The following TMTC1 variants were observed in gnomAD, a reference collection of about 807,000 sequenced individuals.
TMTC1 encodes protein O-mannosyl-transferase TMTC1.
TMTC1 carries 73 observed loss-of-function variants against 104.8 expected under a neutral mutation model. The observed-to-expected ratio is 0.70, with a 90% CI of 0.58 to 0.85. The LOEUF (loss-of-function observed/expected upper bound fraction) is 0.85, where lower values mean the gene tolerates loss of function less well. Among genes scored for constraint, TMTC1 ranks in the 40% least tolerant of loss-of-function variants. The pLI is 0.00. For synonymous variants in TMTC1, 434 were observed against 428.7 expected (o/e 1.01, Z -0.15); for missense variants, 1,035 against 1,096.1 (o/e 0.94, Z 0.79).
chr12:29,644,849 T>C (rs1939196217), intron 5 of TMTC1, among the ~76,000 whole-genome samples: 1 of 152,152 alleles, frequency 6.6e-6, no homozygotes, highest in Non-Finnish European at 1.5e-5. Context: ...CCTCATCTTC[T>C]GGAATCAACT....
At chr12:29,567,501 CAAG>C (rs1436546274) in intron 9 of TMTC1, among the ~76,000 whole-genome samples, 2 of 152,068 alleles carry the variant, frequency 1.3e-5, no homozygotes, top group Admixed American at 6.6e-5. Context: ...ATTTCATCAA[CAAG>C]AAGCAACAAA....
intron 15 of TMTC1, 37 bp downstream of exon 15, chr12:29,516,312 A>G: frequency 6.3e-7 from 1 of 1,590,702 alleles, no homozygotes; most frequent in Non-Finnish European, 8.6e-7. Flanking sequence ...TGTTTAACCT[A>G]TGAATCCAAA....
At chr12:29,610,072 C>G (rs1006612562) in intron 6 of TMTC1, 3 of 152,276 alleles carry the variant, frequency 2.0e-5, no homozygotes, top group Non-Finnish European at 2.9e-5. Flanking sequence ...ACCCACATCA[C>G]CGGAAATGGT....
At chr12:29,663,689 G>C (rs1197740213) in intron 5 of TMTC1, among the ~76,000 whole-genome samples, 3 of 147,958 alleles carry the variant, frequency 2.0e-5, no homozygotes, top group Non-Finnish European at 3.0e-5. Context: ...GCTAATATTT[G>C]TACTTTTAGT....
At chr12:29,648,001 T>C (rs1275174715) in intron 5 of TMTC1, among the ~76,000 whole-genome samples, 1 of 152,230 alleles carries the variant, frequency 6.6e-6, no homozygotes, top group African/African-American at 2.4e-5. Context: ...TCCAGTCCTA[T>C]GCAGAAGCCA....
At chr12:29,532,253 C>A (rs1046330172) in intron 11 of TMTC1, among the ~76,000 whole-genome samples, 2 of 152,110 alleles carry the variant, frequency 1.3e-5, no homozygotes, top group Non-Finnish European at 2.9e-5. Context: ...AGGTTGTACA[C>A]TGCTGGTGGC....
chr12:29,767,851 T>TAC (rs36092651), intron 2 of TMTC1, 47 bp downstream of exon 2: 1 of 1,510,858 alleles, frequency 6.6e-7, no homozygotes, highest in Non-Finnish European at 9.0e-7. Flanking sequence ...CACGTATACA[T>TAC]ACACACATTC....
chr12:29,513,610 A>G (rs1248709103), intron 16 of TMTC1, among the ~76,000 whole-genome samples: 1 of 152,210 alleles, frequency 6.6e-6, no homozygotes, highest in Non-Finnish European at 1.5e-5. Context: ...CTTTTCCTAT[A>G]ATATATTTAG....
At chr12:29,622,885 A>G (rs1937749969) in intron 6 of TMTC1, among the ~76,000 whole-genome samples, 1 of 152,186 alleles carries the variant, frequency 6.6e-6, no homozygotes, top group African/African-American at 2.4e-5. Context: ...ATAAATAATA[A>G]ACTACTCCAT....
At chr12:29,672,342 AG>A in intron 5 of TMTC1, among the ~76,000 whole-genome samples, 1 of 152,236 alleles carries the variant, frequency 6.6e-6, no homozygotes, top group East Asian at 1.9e-4. Flanking sequence ...CCACAGGGTC[AG>A]TACCCAGGAC....
At chr12:29,756,085 T>C (rs1472087135) in intron 3 of TMTC1, among the ~76,000 whole-genome samples, 200 bp from the exon 4 acceptor site, 4 of 152,236 alleles carry the variant, frequency 2.6e-5, no homozygotes, top group Non-Finnish European at 4.4e-5. Flanking sequence ...GACTACGGTA[T>C]GTAACAAACA....
At position 29,644,257 on chromosome 12, in the gene TMTC1, C is replaced by T. The variant is rs556404737; in HGVS notation, c.939-10921G>A. ...GACTATTATTCTAAGTGAAGTAACT[C>T]GGGAATGGAAAACCAAACATCGTAT... On this transcript the variant is annotated intron_variant, in intron 5 of 17. Coordinates refer to ENST00000539277, the MANE Select transcript of TMTC1 (RefSeq NM_001193451.2). 6.7e-5 allele frequency among the ~76,000 whole-genome samples: 10 copies of T among 149,850 alleles called. No homozygotes were observed. In the South Asian group the frequency reaches 1.7e-3, roughly 25 times the overall value.
chr12:29,659,150 C>T (rs1939895182), intron 5 of TMTC1, among the ~76,000 whole-genome samples: 2 of 152,320 alleles, frequency 1.3e-5, no homozygotes, highest in South Asian at 2.1e-4. Flanking sequence ...TCCAGTCAAC[C>T]TCTGCACAAT....
chr12:29,672,565 A>G (rs896842952), intron 5 of TMTC1, among the ~76,000 whole-genome samples: 1 of 148,994 alleles, frequency 6.7e-6, no homozygotes, highest in African/African-American at 2.6e-5. Flanking sequence ...GGGCAGAGAG[A>G]GGAGAAAGTC....
At chr12:29,644,411 T>G (rs1169676338) in intron 5 of TMTC1, among the ~76,000 whole-genome samples, 1 of 151,650 alleles carries the variant, frequency 6.6e-6, no homozygotes, top group African/African-American at 2.4e-5. Flanking sequence ...TATGGTGCAG[T>G]GTATACTGCT....
rs1317012086 is a variant in TMTC1, at chr12:29,527,582, G to A, written c.1786-6862C>T. Among the ~76,000 whole-genome samples, 10 of 152,190 alleles carry A rather than the reference G, an allele frequency of 6.6e-5. No homozygotes were observed. In the East Asian group the frequency reaches 1.9e-3, roughly 29 times the overall value. On this transcript the variant is annotated intron_variant, in intron 11 of 17. Coordinates refer to ENST00000539277, the MANE Select transcript of TMTC1 (RefSeq NM_001193451.2). ...GTGCTTGAAAACTATCTGTGGCTACGTGAGATCTGAAAAACATCTTTATAA... is the reference window on the plus strand; with the variant it reads ...GTGCTTGAAAACTATCTGTGGCTACATGAGATCTGAAAAACATCTTTATAA...
At chr12:29,601,066 C>A (rs560623226) in intron 7 of TMTC1, among the ~76,000 whole-genome samples, 1 of 152,154 alleles carries the variant, frequency 6.6e-6, no homozygotes, top group African/African-American at 2.4e-5. Context: ...TTGATGCTTT[C>A]TTTTCAGTAC....
intron 7 of TMTC1, 46 bp downstream of exon 7, chr12:29,604,131 GT>G (rs1213664750): frequency 6.2e-7 from 1 of 1,608,752 alleles, no homozygotes; most frequent in East Asian, 2.2e-5. Flanking sequence ...ATCAATGTTG[GT>G]GACAGAGGGC....
intron 10 of TMTC1, among the ~76,000 whole-genome samples, chr12:29,553,874 T>C (rs1234035926): frequency 6.6e-6 from 1 of 152,150 alleles, no homozygotes; most frequent in African/African-American, 2.4e-5. Flanking sequence ...TATAAGAATA[T>C]CTGCCATTAT....
Sources: allele counts gnomAD v4.1 joint callset (sites outside exome capture counted in the v4.1 genomes callset), GRCh38; gene constraint gnomAD v4.1.1; transcripts MANE v1.5; gene names NCBI Gene and HGNC (gene_info 2026-07-23, HGNC 2026-07-21).